PCDHA8: variants seen among roughly 807,000 people sequenced by gnomAD.
PCDHA8 encodes protocadherin alpha 8, also known as protocadherin alpha-8.
A neutral mutation model predicts 61.8 loss-of-function variants in PCDHA8; 53 were observed. That is an observed-to-expected ratio of 0.86 (90% CI 0.69 to 1.08). The LOEUF (loss-of-function observed/expected upper bound fraction) is 1.08, where lower values mean the gene tolerates loss of function less well. Ranked by LOEUF, PCDHA8 falls within the 50% of genes least tolerant of loss-of-function variation. The probability of loss-of-function intolerance (pLI) is 0.00; values close to 1 mark genes in which losing one functional copy is unlikely to be tolerated. For missense variants in PCDHA8, 1,293 were observed against 1,245.0 expected, an observed-to-expected ratio of 1.04 and a Z score of -0.58; for synonymous variants, 618 against 556.6, an observed-to-expected ratio of 1.11 and a Z score of -1.55.
intron 1 of PCDHA8, among the ~76,000 whole-genome samples, chr5:140,905,945 T>C (rs2072222090): frequency 6.6e-6 from 1 of 152,150 alleles, no homozygotes; most frequent in Non-Finnish European, 1.5e-5. Flanking sequence ...GAACTTGGAA[T>C]CCGATGTTCA....
chr5:140,929,233 C>T (rs782744711), intron 1 of PCDHA8: 5 of 1,613,786 alleles, frequency 3.1e-6, no homozygotes, highest in Non-Finnish European at 8.5e-7. Flanking sequence ...TGCCGACCTG[C>T]GAAATCTTGC....
intron 1 of PCDHA8, chr5:140,847,378 T>C (rs2150399722): frequency 6.7e-6 from 1 of 149,708 alleles, no homozygotes; most frequent in East Asian, 1.9e-4. Context: ...AAAAGATAAA[T>C]ATGCAAAAAC....
rs1554139348 is a variant in PCDHA8 at position 140,842,764 on chromosome 5, C to A, written c.1443C>A (p.Asp481Glu). The A allele has an allele frequency of 3.1e-6, 5 of 1,594,666 alleles. No homozygotes were observed. Among genetic ancestry groups the A allele is most frequent in the Non-Finnish European group, 4.3e-6 (5 of 1,165,432 alleles). The change falls in exon 1 of 4, where the codon GAC becomes GAA. Residue 481 changes from aspartate (D) to glutamate (E), a missense_variant. Transcript: ENST00000531613. ...GCHIFTVSAR[D>E]ADAQENALVS... ...ACATCTTCACGGTGTCTGCGCGAGACGCGGACGCGCAGGAGAACGCGCTGG... is the reference window on the plus strand; with the variant it reads ...ACATCTTCACGGTGTCTGCGCGAGAAGCGGACGCGCAGGAGAACGCGCTGG...
chr5:140,884,461 G>A (rs2060188157), intron 1 of PCDHA8: 3 of 1,613,646 alleles, frequency 1.9e-6, no homozygotes, highest in African/African-American at 1.3e-5. Flanking sequence ...CCGAGGGCGC[G>A]TGCGCGCCGG....
intron 1 of PCDHA8, among the ~76,000 whole-genome samples, chr5:140,973,304 C>G (rs1252823783): frequency 6.6e-6 from 1 of 152,126 alleles, no homozygotes; most frequent in Non-Finnish European, 1.5e-5. Context: ...TCTGATGACT[C>G]TATCCTGGAA....
At chr5:140,999,143 A>G (rs2097848811) in intron 3 of PCDHA8, among the ~76,000 whole-genome samples, 1 of 152,214 alleles carries the variant, frequency 6.6e-6, no homozygotes, top group Non-Finnish European at 1.5e-5. Context: ...CACAGCCGGA[A>G]GTCTTCAGTC....
Position 140,871,114 on chromosome 5 carries a change from A to G in PCDHA8, c.2394+27399A>G, listed in dbSNP as rs1554165136. The G allele has an allele frequency of 1.9e-6, 3 of 1,613,090 alleles. No individual in the cohort carries two copies. The African/African-American group carries it at 4.0e-5, about 22-fold the overall frequency. On this transcript the variant is annotated intron_variant, in intron 1 of 3. Transcript: ENST00000531613. ...CACCGTGCTGGTGTCGTTGGTGGAGAGCGGACAGGCGCCAAAGGCCTCTTC... is the reference window on the plus strand; with the variant it reads ...CACCGTGCTGGTGTCGTTGGTGGAGGGCGGACAGGCGCCAAAGGCCTCTTC...
intron 1 of PCDHA8, chr5:140,856,729 G>T: frequency 1.3e-6 from 2 of 1,595,560 alleles, no homozygotes; most frequent in East Asian, 2.2e-5. Flanking sequence ...CTGTTTCTCT[G>T]CTGATCCTGG....
chr5:140,998,070 G>T (rs2097795700), intron 3 of PCDHA8, among the ~76,000 whole-genome samples: 1 of 152,050 alleles, frequency 6.6e-6, no homozygotes, highest in Admixed American at 6.6e-5. Context: ...AACAGACTTA[G>T]CCTCTGCAGT....
intron 1 of PCDHA8, among the ~76,000 whole-genome samples, chr5:140,943,772 T>G (rs371770047): frequency 2.9e-4 from 44 of 152,232 alleles, no homozygotes; most frequent in African/African-American, 6.7e-4. Context: ...GGAAAAAAAC[T>G]AGGAAGTGGT....
chr5:140,927,432 C>G lies in PCDHA8; in HGVS notation c.2395-51517C>G, dbSNP rs781874569. The G allele has an allele frequency of 6.8e-6, 11 of 1,614,124 alleles. No homozygotes were observed. The East Asian group carries it at 2.5e-4, about 36-fold the overall frequency. On this transcript the variant is annotated intron_variant, in intron 1 of 3. Transcript: ENST00000531613. Reference sequence around the variant, plus strand: ...ACATGGGATCGCGGGTTGACGGCAGCGAATACCCGGAGTTGGTGTTGGAGA... The same window carrying G: ...ACATGGGATCGCGGGTTGACGGCAGGGAATACCCGGAGTTGGTGTTGGAGA...
At position 140,963,599 on chromosome 5, in the gene PCDHA8, C is replaced by T. The variant is rs968307291; in HGVS notation, c.2395-15350C>T. On this transcript the variant is annotated intron_variant, in intron 1 of 3. Coordinates refer to ENST00000531613, the MANE Select transcript of PCDHA8 (RefSeq NM_018911.3). ...TCAAAATGTAGGATATAGTTCTAGA[C>T]GTAATTGGGAAAGCTTAACTTTGTT... Among the ~76,000 whole-genome samples, 9 of 152,254 alleles carry T rather than the reference C, an allele frequency of 5.9e-5. No individual in the cohort carries two copies. The South Asian group carries it at 1.0e-3, about 18-fold the overall frequency.
chr5:140,963,771 GA>G (rs1459827253), intron 1 of PCDHA8, among the ~76,000 whole-genome samples: 2 of 152,164 alleles, frequency 1.3e-5, no homozygotes, highest in African/African-American at 4.8e-5. Context: ...ATTTCATGAC[GA>G]CAGCAACAAC....
chr5:141,003,258 G>T (rs1029666608), intron 3 of PCDHA8, among the ~76,000 whole-genome samples: 1 of 152,240 alleles, frequency 6.6e-6, no homozygotes, highest in Admixed American at 6.5e-5. Flanking sequence ...TTCCTGGGCA[G>T]TGCCTAAGGG....
intron 1 of PCDHA8, chr5:140,848,054 T>TA (rs1554141984): frequency 1.2e-5 from 2 of 162,052 alleles, no homozygotes; most frequent in African/African-American, 4.9e-5. Context: ...TTTTAATTGT[T>TA]ACTTCATTTC....
rs1332759626 is a variant in PCDHA8, at chr5:140,841,685, G to T, written c.364G>T (p.Glu122Ter). Reference sequence around the variant, plus strand: ...GCTGCAGGTTTTCCATGTGGACGTGGAGGTGAAGGATGTTAATGACAACCC... The same window carrying T: ...GCTGCAGGTTTTCCATGTGGACGTGTAGGTGAAGGATGTTAATGACAACCC... The part of the protein sequence containing the change: ...RPLQVFHVDV[E>*]VKDVNDNPPV... The change falls in exon 1 of 4, where the codon GAG becomes TAG. Residue 122 changes from glutamate to a stop codon, truncating the protein, a stop_gained. Coordinates refer to ENST00000531613, the MANE Select transcript of PCDHA8 (RefSeq NM_018911.3). LOFTEE classifies it high-confidence loss of function. 6.2e-7 allele frequency: 1 copy of T among 1,613,842 alleles called. No homozygotes were observed. The highest frequency in any genetic ancestry group is 8.5e-7 in the Non-Finnish European group (1 of 1,179,892).
chr5:140,851,068 A>G lies in PCDHA8; in HGVS notation c.2394+7353A>G, dbSNP rs563336540. ...CGACTTTGTCTTGACTTCTAGTGAG[A>G]ATTATAAACTGTATATTAAATAGAT... On this transcript the variant is annotated intron_variant, in intron 1 of 3. Transcript: ENST00000531613. The G allele has an allele frequency of 1.3e-4, 170 of 1,354,166 alleles. 16 individuals carry two copies. Among genetic ancestry groups the G allele is most frequent in the Middle Eastern group, 2.2e-4 (1 of 4,590 alleles). 83.9% of individuals were successfully genotyped at this position (1,354,166 alleles called of 1,614,324 possible).
chr5:140,870,745 G>T (rs369212308), intron 1 of PCDHA8: 8 of 1,613,530 alleles, frequency 5.0e-6, no homozygotes, highest in Admixed American at 3.3e-5. Flanking sequence ...GAGCAGCAAC[G>T]TGACGCTGCA....
chr5:140,898,147 C>G (rs2066556304), intron 1 of PCDHA8, among the ~76,000 whole-genome samples: 1 of 152,150 alleles, frequency 6.6e-6, no homozygotes, highest in Non-Finnish European at 1.5e-5. Context: ...GTTGCCTGTT[C>G]ACGCTGATGG....
Sources: gnomAD v4.1 joint callset for allele counts (sites outside exome capture counted in the v4.1 genomes callset) on GRCh38, gnomAD v4.1.1 for gene constraint, MANE v1.5 for transcripts, NCBI Gene and HGNC (gene_info 2026-07-23, HGNC 2026-07-21) for gene names.